CPLX2: variants seen among roughly 807,000 people sequenced by gnomAD.
CPLX2 encodes complexin-2.
A neutral mutation model predicts 16.3 loss-of-function variants in CPLX2; 5 were observed. The observed-to-expected ratio is 0.31, with a 90% CI of 0.16 to 0.64. The LOEUF (loss-of-function observed/expected upper bound fraction) is 0.64, where lower values mean the gene tolerates loss of function less well. Among genes scored for constraint, CPLX2 ranks in the 30% least tolerant of loss-of-function variants. The pLI is 0.79. For missense variants in CPLX2, 144 were observed against 181.4 expected, an observed-to-expected ratio of 0.79 and a Z score of 1.18; for synonymous variants, 89 against 73.2, an observed-to-expected ratio of 1.22 and a Z score of -1.10.
chr5:175,839,016 G>A lies in CPLX2; in HGVS notation c.-89+29948G>A, dbSNP rs147895446. Among the ~76,000 whole-genome samples, 542 of 152,254 alleles carry A rather than the reference G, an allele frequency of 3.6e-3. 4 individuals carry two copies. The highest frequency in any genetic ancestry group is 0.013 in the African/African-American group (522 of 41,546). On this transcript the variant is annotated intron_variant, in intron 2 of 4. Transcript: ENST00000359546. ...CTGACCAGAGAACACAAGGAAGGTCGTCCTGGCAACAAACCCAGTGTAATG... is the reference window on the plus strand; with the variant it reads ...CTGACCAGAGAACACAAGGAAGGTCATCCTGGCAACAAACCCAGTGTAATG...
intron 2 of CPLX2, among the ~76,000 whole-genome samples, chr5:175,865,838 G>A (rs542447474): frequency 6.6e-6 from 1 of 152,298 alleles, no homozygotes; most frequent in East Asian, 1.9e-4. Flanking sequence ...TGTGCCATGT[G>A]GGATGAAGCA....
chr5:175,811,041 C>T (rs918220767), intron 2 of CPLX2, among the ~76,000 whole-genome samples: 12 of 152,144 alleles, frequency 7.9e-5, no homozygotes, highest in Non-Finnish European at 1.8e-4. Flanking sequence ...TAGCTGGCCC[C>T]TTACTGGTTT....
rs1246967097 is a variant in CPLX2 at position 175,880,100 on chromosome 5, CTTTTCT to C, written c.*60_*65del. On this transcript the variant is annotated 3_prime_UTR_variant, in exon 4 of 4. Coordinates refer to ENST00000393745, the MANE Select transcript of CPLX2 (RefSeq NM_001008220.2). ...TGTTACTACTTCTTTTTGGTTCTTTCTTTTCTTTTTATTAGGTTAAGTCTCAATTCT... is the reference window on the plus strand; with the variant it reads ...TGTTACTACTTCTTTTTGGTTCTTTCTTTTATTAGGTTAAGTCTCAATTCT... The C allele has an allele frequency of 1.9e-6, 3 of 1,548,264 alleles. No homozygotes were observed. The highest frequency in any genetic ancestry group is 1.8e-6 in the Non-Finnish European group (2 of 1,139,266).
intron 2 of CPLX2, among the ~76,000 whole-genome samples, chr5:175,828,150 C>T (rs1394583887): frequency 6.6e-6 from 1 of 152,228 alleles, no homozygotes. Context: ...TTTGTCTTCA[C>T]TGATAAAAAA....
Position 175,801,881 on chromosome 5 carries a change from A to G in CPLX2, c.-169+5097A>G, listed in dbSNP as rs59591683. On this transcript the variant is annotated intron_variant, in intron 1 of 4. Coordinates refer to the CPLX2 transcript ENST00000359546. ...CCTTGCTCTGTAAGCAATGGGAGCC[A>G]TTGAAGACTTTTAAGCAGGGGGGTT... Among the ~76,000 whole-genome samples the G allele has an allele frequency of 3.3e-3, 496 of 152,300 alleles. 2 individuals are homozygous for G. The highest frequency in any genetic ancestry group is 0.01 in the African/African-American group (429 of 41,562).
chr5:175,802,692 C>T (rs1326490406), intron 1 of CPLX2, among the ~76,000 whole-genome samples: 1 of 152,224 alleles, frequency 6.6e-6, no homozygotes, highest in Non-Finnish European at 1.5e-5. Context: ...CTGACCCTTC[C>T]TAGCTGGACG....
intron 1 of CPLX2, among the ~76,000 whole-genome samples, chr5:175,801,474 T>C (rs13178560): frequency 0.81 from 123,859 of 152,174 alleles, 50,481 homozygotes; most frequent in East Asian, 0.86. Flanking sequence ...GGCTGCTGCA[T>C]AGGTGGACCA....
Position 175,849,153 on chromosome 5 carries a change from G to A in CPLX2, c.-88-29499G>A, listed in dbSNP as rs543183070. On this transcript the variant is annotated intron_variant, in intron 2 of 4. Coordinates refer to the CPLX2 transcript ENST00000359546. This position sits in a 1 kb window ranked among gnomAD's most constrained non-coding sequence, Gnocchi z 4.4. Reference sequence around the variant, plus strand: ...GTTTTTAACACCAGCCAGTGCTGCCGTGTGTGCAGGACCGATGTCCACACT... The same window carrying A: ...GTTTTTAACACCAGCCAGTGCTGCCATGTGTGCAGGACCGATGTCCACACT... Among the ~76,000 whole-genome samples the A allele has an allele frequency of 3.9e-5, 6 of 152,318 alleles. 1 individual carries two copies. Among genetic ancestry groups the A allele is most frequent in the South Asian group, 4.1e-4 (2 of 4,832 alleles).
chr5:175,868,519 A>G, upstream of CPLX2, among the ~76,000 whole-genome samples: 1 of 152,190 alleles, frequency 6.6e-6, no homozygotes, highest in Admixed American at 6.5e-5. Flanking sequence ...CACCTGAAGC[A>G]GAGCCACATC....
At chr5:175,825,937 C>CG (rs1758605686) in intron 2 of CPLX2, among the ~76,000 whole-genome samples, 1 of 44,420 alleles carries the variant, frequency 2.3e-5, no homozygotes, top group African/African-American at 9.7e-5. Flanking sequence ...TGAATAAGTG[C>CG]AAAAAAAAAA....
upstream of CPLX2, among the ~76,000 whole-genome samples, chr5:175,867,977 C>T (rs1307819785): frequency 6.6e-6 from 1 of 152,176 alleles, no homozygotes; most frequent in Non-Finnish European, 1.5e-5. Context: ...CTCTGTGTAC[C>T]ACCCCCGCAG....
intron 2 of CPLX2, among the ~76,000 whole-genome samples, chr5:175,846,717 G>A (rs1244545003): frequency 6.6e-6 from 1 of 152,190 alleles, no homozygotes; most frequent in Non-Finnish European, 1.5e-5. Flanking sequence ...AGCCTTTGCT[G>A]CCTCAGCCCC....
At chr5:175,853,971 C>A (rs1490120826) in intron 2 of CPLX2, among the ~76,000 whole-genome samples, 1 of 152,214 alleles carries the variant, frequency 6.6e-6, no homozygotes. Context: ...ATGGCAGGCA[C>A]TGGCTAGCAA....
At chr5:175,815,053 T>G (rs1382519891) in intron 2 of CPLX2, among the ~76,000 whole-genome samples, 1 of 152,096 alleles carries the variant, frequency 6.6e-6, no homozygotes, top group Non-Finnish European at 1.5e-5. Context: ...AACCAGCAAA[T>G]GTCTACCAGA....
In CPLX2 at chr5:175,830,933, G is replaced by A. The variant is rs558727388; in HGVS notation, c.-89+21865G>A. Among the ~76,000 whole-genome samples the A allele has an allele frequency of 7.9e-5, 12 of 152,322 alleles. 1 individual carries two copies. Among genetic ancestry groups the A allele is most frequent in the African/African-American group, 1.9e-4 (8 of 41,584 alleles). Reference sequence around the variant, plus strand: ...GCCTTAGAGCCCAAGGGAAACGTGCGTGTGTTCGTGCTCACACAGTTGTGT... The same window carrying A: ...GCCTTAGAGCCCAAGGGAAACGTGCATGTGTTCGTGCTCACACAGTTGTGT... On this transcript the variant is annotated intron_variant, in intron 2 of 4. Coordinates refer to the CPLX2 transcript ENST00000359546. This position sits in a 1 kb window ranked among gnomAD's most constrained non-coding sequence, Gnocchi z 4.0.
intron 2 of CPLX2, among the ~76,000 whole-genome samples, chr5:175,865,710 AT>A (rs1759462864): frequency 6.6e-6 from 1 of 152,216 alleles, no homozygotes; most frequent in Non-Finnish European, 1.5e-5. Flanking sequence ...GGATCTTATG[AT>A]TCTCTGACTC....
Position 175,879,067 on chromosome 5 carries a change from A to G in CPLX2, c.191A>G (p.Gln64Arg). The G allele has an allele frequency of 1.3e-6, 2 of 1,576,410 alleles. No individual in the cohort carries two copies. Among genetic ancestry groups the G allele is most frequent in the Non-Finnish European group, 1.7e-6 (2 of 1,161,674 alleles). Reference sequence around the variant, plus strand: ...GAGGCGGAGCGGGAGAAGGTCCGGCAGCAGATCCGAGATAAGGTCAGCTCC... The same window carrying G: ...GAGGCGGAGCGGGAGAAGGTCCGGCGGCAGATCCGAGATAAGGTCAGCTCC... ...RMEAEREKVR[Q>R]QIRDKYGLKK... The change falls in exon 3 of 4, where the codon CAG becomes CGG. Residue 64 changes from glutamine to arginine, a missense_variant. Coordinates refer to ENST00000393745, the MANE Select transcript of CPLX2 (RefSeq NM_001008220.2).
chr5:175,810,611 G>T (rs1758296425), intron 2 of CPLX2, among the ~76,000 whole-genome samples: 1 of 152,108 alleles, frequency 6.6e-6, no homozygotes, highest in African/African-American at 2.4e-5. Flanking sequence ...ACCAATTCCT[G>T]GGGAACCCAT....
At chr5:175,868,333 A>G (rs1418447200), upstream of CPLX2, among the ~76,000 whole-genome samples, 1 of 152,200 alleles carries the variant, frequency 6.6e-6, no homozygotes, top group Non-Finnish European at 1.5e-5. Context: ...GTCATTCCTC[A>G]CACATTGTTC....
Sources: allele counts gnomAD v4.1 joint callset (sites outside exome capture counted in the v4.1 genomes callset), GRCh38; gene constraint gnomAD v4.1.1; non-coding constraint Gnocchi (gnomAD v3.1); transcripts MANE v1.5; gene names NCBI Gene and HGNC (gene_info 2026-07-23, HGNC 2026-07-21).